ATG10: variants seen among roughly 807,000 people sequenced by gnomAD.
ATG10 encodes ubiquitin-like-conjugating enzyme ATG10.
ATG10 carries 30 observed loss-of-function variants against 32.1 expected under a neutral mutation model. The observed-to-expected ratio is 0.94, with a 90% CI of 0.70 to 1.27. The LOEUF (loss-of-function observed/expected upper bound fraction) is 1.27, where lower values mean the gene tolerates loss of function less well. Among genes scored for constraint, ATG10 ranks in the 50% most tolerant of loss-of-function variants. ATG10 has a pLI of 0.00. For missense variants in ATG10, 233 were observed against 262.3 expected (o/e 0.89, Z 0.77); for synonymous variants, 87 against 91.5 (o/e 0.95, Z 0.28).
chr5:82,119,105 A>C (rs879922152), intron 3 of ATG10, among the ~76,000 whole-genome samples: 7 of 152,202 alleles, frequency 4.6e-5, no homozygotes, highest in Non-Finnish European at 8.8e-5. Flanking sequence ...CTACTACTTC[A>C]AGCCTATGAA....
At chr5:82,047,649 T>C (rs549995401) in intron 2 of ATG10, among the ~76,000 whole-genome samples, 2 of 152,288 alleles carry the variant, frequency 1.3e-5, no homozygotes, top group South Asian at 2.1e-4. Flanking sequence ...CTGCCACTTA[T>C]TCCTCGGGGC....
intron 5 of ATG10, among the ~76,000 whole-genome samples, chr5:82,223,068 G>A (rs1745991007): frequency 6.6e-6 from 1 of 152,182 alleles, no homozygotes; most frequent in Admixed American, 6.5e-5. Flanking sequence ...AGGAAATGAT[G>A]GTGAGAGTTA....
At chr5:82,084,265 G>A (rs896916031) in intron 3 of ATG10, among the ~76,000 whole-genome samples, 5 of 152,178 alleles carry the variant, frequency 3.3e-5, no homozygotes, top group African/African-American at 1.2e-4. Flanking sequence ...AATGAAGCAA[G>A]AAGAGAAGTT....
intron 3 of ATG10, among the ~76,000 whole-genome samples, chr5:82,111,793 A>G (rs1164666453): frequency 6.6e-6 from 1 of 152,012 alleles, no homozygotes; most frequent in Non-Finnish European, 1.5e-5. Context: ...TTCTGCATCA[A>G]AAAGAAAAAC....
rs75836134 is a variant in ATG10, at chr5:82,103,903, G to C, written c.216+45301G>C. Among the ~76,000 whole-genome samples, 801 of 152,220 alleles carry C rather than the reference G, an allele frequency of 5.3e-3. 6 individuals carry two copies. Among genetic ancestry groups the C allele is most frequent in the African/African-American group, 0.018 (756 of 41,542 alleles). Reference sequence around the variant, plus strand: ...CCCAACAGTCACTACAGATTGACTTGTTACACTACAATTTATTTTTCCTCT... The same window carrying C: ...CCCAACAGTCACTACAGATTGACTTCTTACACTACAATTTATTTTTCCTCT... On this transcript the variant is annotated intron_variant, in intron 3 of 7. Transcript: ENST00000282185.
At position 82,138,577 on chromosome 5, in the gene ATG10, A is replaced by G. The variant is rs542314690; in HGVS notation, c.217-25822A>G. On this transcript the variant is annotated intron_variant, in intron 3 of 7. Coordinates refer to ENST00000282185, the MANE Select transcript of ATG10 (RefSeq NM_031482.5). ...CCACTCTCTAACGAGTCCCAATGAGATGAACTGGGTACCTCAGTTGGAAAT... is the reference window on the plus strand; with the variant it reads ...CCACTCTCTAACGAGTCCCAATGAGGTGAACTGGGTACCTCAGTTGGAAAT... 2.0e-5 allele frequency among the ~76,000 whole-genome samples: 3 copies of G among 152,128 alleles called. No individual in the cohort carries two copies. In the East Asian group the frequency reaches 5.8e-4, roughly 30 times the overall value.
intron 5 of ATG10, among the ~76,000 whole-genome samples, chr5:82,221,886 C>T (rs1745942396): frequency 6.6e-6 from 1 of 152,206 alleles, no homozygotes; most frequent in African/African-American, 2.4e-5. Context: ...GAAGCCCTGA[C>T]TTTGCACTCC....
At chr5:82,062,442 G>A (rs1007800376) in intron 3 of ATG10, among the ~76,000 whole-genome samples, 2 of 152,142 alleles carry the variant, frequency 1.3e-5, no homozygotes, top group Non-Finnish European at 2.9e-5. Context: ...AGTTCTCTTC[G>A]CCATTTACTA....
At chr5:82,230,610 G>A (rs1357187611) in intron 5 of ATG10, among the ~76,000 whole-genome samples, 1 of 151,716 alleles carries the variant, frequency 6.6e-6, no homozygotes, top group Non-Finnish European at 1.5e-5. Context: ...GCACGCTCCT[G>A]TAGTCCCAGC....
intron 3 of ATG10, among the ~76,000 whole-genome samples, chr5:82,087,246 T>C (rs759914489): frequency 7.2e-5 from 11 of 152,198 alleles, no homozygotes; most frequent in Non-Finnish European, 1.5e-4. Context: ...GAAGGCTTTG[T>C]AATAGAATTG....
intron 3 of ATG10, among the ~76,000 whole-genome samples, chr5:82,100,146 T>A (rs1765218693): frequency 6.6e-6 from 1 of 151,284 alleles, no homozygotes; most frequent in Non-Finnish European, 1.5e-5. Flanking sequence ...GTAGCTGGGA[T>A]TACAGGTGCC....
intron 5 of ATG10, among the ~76,000 whole-genome samples, chr5:82,189,839 G>A (rs1014040079): frequency 2.0e-5 from 3 of 152,094 alleles, no homozygotes. Context: ...TGGCCAGGCT[G>A]GTCTTGAACT....
intron 3 of ATG10, among the ~76,000 whole-genome samples, chr5:82,077,152 T>A (rs1210846358): frequency 1.3e-5 from 2 of 152,064 alleles, no homozygotes; most frequent in South Asian, 2.1e-4. Context: ...CAAAACCCCA[T>A]CTCTATTTTA....
chr5:82,139,834 G>A (rs1231219397), intron 3 of ATG10, among the ~76,000 whole-genome samples: 38 of 141,570 alleles, frequency 2.7e-4, no homozygotes, highest in Middle Eastern at 3.9e-3. Context: ...CATCCGGGAG[G>A]GAGATGGGGG....
At chr5:82,088,796 C>T (rs530459347) in intron 3 of ATG10, among the ~76,000 whole-genome samples, 2 of 152,224 alleles carry the variant, frequency 1.3e-5, no homozygotes, top group East Asian at 3.9e-4. Context: ...GTTGAGTACC[C>T]TAAGGGAAGC....
chr5:82,104,045 G>T (rs910666439), intron 3 of ATG10, among the ~76,000 whole-genome samples: 5 of 151,934 alleles, frequency 3.3e-5, no homozygotes, highest in Admixed American at 1.3e-4. Context: ...GTTGTATCTA[G>T]TTCCACTGTT....
intron 3 of ATG10, among the ~76,000 whole-genome samples, chr5:82,119,192 G>A (rs1042417088): frequency 6.6e-6 from 1 of 152,084 alleles, no homozygotes. Flanking sequence ...ACTATGAGAA[G>A]ACAAAATTTG....
chr5:82,044,342 A>C (rs190002050), intron 2 of ATG10, among the ~76,000 whole-genome samples: 2 of 152,112 alleles, frequency 1.3e-5, no homozygotes, highest in Non-Finnish European at 2.9e-5. Flanking sequence ...TTTACCTCCC[A>C]CCAGGCCCCT....
intron 1 of ATG10, among the ~76,000 whole-genome samples, chr5:81,985,092 G>T (rs1761218213): frequency 6.6e-6 from 1 of 152,134 alleles, no homozygotes; most frequent in South Asian, 2.1e-4. Context: ...TATGGCTATT[G>T]AATGAAATTT....
Sources: gnomAD v4.1 joint callset for allele counts (sites outside exome capture counted in the v4.1 genomes callset) on GRCh38, gnomAD v4.1.1 for gene constraint, MANE v1.5 for transcripts, NCBI Gene and HGNC (gene_info 2026-07-23, HGNC 2026-07-21) for gene names.